The following PLCL1 variants were observed in gnomAD, a reference collection of about 807,000 sequenced individuals.
PLCL1 encodes the protein inactive phospholipase C-like protein 1.
A neutral mutation model predicts 84.4 loss-of-function variants in PLCL1; 41 were observed. The ratio of observed to expected loss-of-function variants is 0.49; its 90% CI spans 0.38 to 0.63. The LOEUF is 0.63. Ranked by LOEUF, PLCL1 falls within the 30% of genes least tolerant of loss-of-function variation. The probability of loss-of-function intolerance (pLI) is 0.00; values close to 1 mark genes in which losing one functional copy is unlikely to be tolerated. For missense variants in PLCL1, 1,206 were observed against 1,367.8 expected, an observed-to-expected ratio of 0.88 and a Z score of 1.87; for synonymous variants, 490 against 488.3, an observed-to-expected ratio of 1.00 and a Z score of -0.05.
At chr2:198,102,017 G>A (rs148372869) in intron 4 of PLCL1, among the ~76,000 whole-genome samples, 54 of 152,110 alleles carry the variant, frequency 3.6e-4, no homozygotes, top group African/African-American at 1.2e-3. Flanking sequence ...TGACAACTCT[G>A]CAAAGTAATC....
intron 1 of PLCL1, among the ~76,000 whole-genome samples, chr2:197,941,228 G>A (rs763659606): frequency 6.6e-6 from 1 of 152,086 alleles, no homozygotes; most frequent in Non-Finnish European, 1.5e-5. Flanking sequence ...ATTGAACTAA[G>A]TAGTGACCTG....
At position 197,889,969 on chromosome 2, in the gene PLCL1, A is replaced by G. The variant is rs146509518; in HGVS notation, c.240+84630A>G. Among the ~76,000 whole-genome samples, 849 of 152,342 alleles carry G rather than the reference A, an allele frequency of 5.6e-3. 4 individuals are homozygous for G. The highest frequency in any genetic ancestry group is 9.6e-3 in the Non-Finnish European group (650 of 68,028). Reference sequence around the variant, plus strand: ...CATTCATCTTTCTTATAGCAGAAGCAGTGCCCCAATTTGGTGATAGTAAGA... The same window carrying G: ...CATTCATCTTTCTTATAGCAGAAGCGGTGCCCCAATTTGGTGATAGTAAGA... On this transcript the variant is annotated intron_variant, in intron 1 of 5. Transcript: ENST00000428675.
chr2:197,927,706 A>G (rs1688858904), intron 1 of PLCL1, among the ~76,000 whole-genome samples: 2 of 152,196 alleles, frequency 1.3e-5, no homozygotes, highest in African/African-American at 4.8e-5. Context: ...GAGGGATCCT[A>G]TCACTAGACA....
intron 1 of PLCL1, among the ~76,000 whole-genome samples, chr2:197,834,683 G>C (rs76008220): frequency 6.6e-6 from 1 of 152,120 alleles, no homozygotes; most frequent in Non-Finnish European, 1.5e-5. Flanking sequence ...AAATAGGAAC[G>C]CTTGTACACT....
intron 5 of PLCL1, among the ~76,000 whole-genome samples, chr2:198,125,605 G>A (rs1693966528): frequency 6.6e-6 from 1 of 152,034 alleles, no homozygotes; most frequent in Admixed American, 6.6e-5. Context: ...AATCAGCTGT[G>A]TTGGTTTAAT....
At chr2:197,944,729 T>A (rs1270581399) in intron 1 of PLCL1, among the ~76,000 whole-genome samples, 1 of 152,194 alleles carries the variant, frequency 6.6e-6, no homozygotes, top group Non-Finnish European at 1.5e-5. Context: ...TTTTAGCAAC[T>A]TCCCTTACCT....
intron 1 of PLCL1, among the ~76,000 whole-genome samples, chr2:197,874,918 C>G (rs556115000): frequency 2.6e-5 from 4 of 152,144 alleles, no homozygotes; most frequent in African/African-American, 9.6e-5. Flanking sequence ...AATGAGTGAA[C>G]TATAGCCATG....
intron 1 of PLCL1, among the ~76,000 whole-genome samples, chr2:197,826,030 G>T (rs1483160312): frequency 6.6e-6 from 1 of 152,010 alleles, no homozygotes; most frequent in East Asian, 1.9e-4. Context: ...TTACGACAGG[G>T]TCTATATACT....
rs1692829806 is a variant in PLCL1 at position 198,085,043 on chromosome 2, A to T, written c.1526A>T (p.Lys509Met). 6.2e-7 allele frequency: 1 copy of T among 1,613,830 alleles called. No individual in the cohort carries two copies. Among genetic ancestry groups the T allele is most frequent in the African/African-American group, 1.3e-5 (1 of 74,896 alleles). Residue 509 changes from lysine to methionine, a missense_variant, in exon 2 of 6, where the codon AAG becomes ATG. Coordinates refer to ENST00000428675, the MANE Select transcript of PLCL1 (RefSeq NM_006226.4). This position sits in a 1 kb window ranked among gnomAD's most constrained non-coding sequence, Gnocchi z 5.3. ...QQKVMAQQMK[K>M]VFGNKLYTEA... ...AAGGTAATGGCTCAACAGATGAAAA[A>T]GGTCTTTGGCAATAAACTCTATACT...
chr2:198,070,518 T>C (rs1170622157), intron 1 of PLCL1, among the ~76,000 whole-genome samples: 4 of 152,082 alleles, frequency 2.6e-5, no homozygotes, highest in African/African-American at 7.2e-5. Context: ...AGCTAACTAA[T>C]ATTATTAGTT....
intron 1 of PLCL1, among the ~76,000 whole-genome samples, chr2:198,028,696 A>G (rs1031507599): frequency 3.3e-5 from 5 of 152,066 alleles, no homozygotes; most frequent in Non-Finnish European, 5.9e-5. Context: ...CTATTCGGGG[A>G]GAAGGGTATT....
chr2:197,845,630 T>A (rs1687104835), intron 1 of PLCL1, among the ~76,000 whole-genome samples: 1 of 152,100 alleles, frequency 6.6e-6, no homozygotes, highest in Admixed American at 6.6e-5. Context: ...CTCCTTTAGA[T>A]AAACATATAT....
At chr2:197,948,306 T>G (rs895624239) in intron 1 of PLCL1, among the ~76,000 whole-genome samples, 2 of 152,138 alleles carry the variant, frequency 1.3e-5, no homozygotes, top group African/African-American at 4.8e-5. Flanking sequence ...GACAAAATTT[T>G]GTTTTGGATT....
intron 1 of PLCL1, among the ~76,000 whole-genome samples, chr2:197,889,909 T>C (rs1471521140): frequency 1.3e-5 from 2 of 152,182 alleles, no homozygotes; most frequent in Non-Finnish European, 2.9e-5. Context: ...TTATATAGTA[T>C]AAGAAAAAAG....
chr2:198,060,645 C>T (rs984957610), intron 1 of PLCL1, among the ~76,000 whole-genome samples: 13 of 152,310 alleles, frequency 8.5e-5, no homozygotes, highest in African/African-American at 3.1e-4. Flanking sequence ...TCTTTCCTTC[C>T]TTTCCACTGC....
chr2:197,899,825 C>T (rs1437201250), intron 1 of PLCL1, among the ~76,000 whole-genome samples: 7 of 151,494 alleles, frequency 4.6e-5, no homozygotes, highest in Admixed American at 3.3e-4. Context: ...TTAGTAGAGA[C>T]GGGGTTTCAC....
chr2:198,070,463 A>T, intron 1 of PLCL1, among the ~76,000 whole-genome samples: 1 of 152,040 alleles, frequency 6.6e-6, no homozygotes, highest in East Asian at 1.9e-4. Context: ...AATTTTCCAG[A>T]TACATTATAA....
chr2:197,966,263 G>A (rs145444057), intron 1 of PLCL1, among the ~76,000 whole-genome samples: 2 of 152,084 alleles, frequency 1.3e-5, no homozygotes, highest in East Asian at 3.9e-4. Context: ...CACATGAGCT[G>A]GTCTCACTAG....
intron 1 of PLCL1, among the ~76,000 whole-genome samples, chr2:197,909,378 C>T (rs774633795): frequency 1.3e-5 from 2 of 150,110 alleles, no homozygotes; most frequent in Admixed American, 6.6e-5. Flanking sequence ...ACTAAAAATT[C>T]GTGCCTGGAA....
Sources: allele counts gnomAD v4.1 joint callset (sites outside exome capture counted in the v4.1 genomes callset), GRCh38; gene constraint gnomAD v4.1.1; non-coding constraint Gnocchi (gnomAD v3.1); transcripts MANE v1.5; gene names NCBI Gene and HGNC (gene_info 2026-07-23, HGNC 2026-07-21).